Variants in SCARB1 observed in about 807,000 individuals in gnomAD.
The protein encoded by SCARB1 is CD36 and LIMPII analogous 1.
Under a neutral mutation model 57.2 loss-of-function variants are expected in SCARB1, and 30 were observed. That is an observed-to-expected ratio of 0.52 (90% CI 0.39 to 0.71). The LOEUF (loss-of-function observed/expected upper bound fraction) is 0.71, where lower values mean the gene tolerates loss of function less well. Among genes scored for constraint, SCARB1 ranks in the 30% least tolerant of loss-of-function variants. The pLI is 0.00. For synonymous variants in SCARB1, 249 were observed against 268.3 expected (o/e 0.93, Z 0.70); for missense variants, 543 against 671.2 (o/e 0.81, Z 2.11).
At chr12:124,805,307 AG>A (rs1451599651) in intron 7 of SCARB1, among the ~76,000 whole-genome samples, 1 of 152,236 alleles carries the variant, frequency 6.6e-6, no homozygotes, top group Admixed American at 6.5e-5. Context: ...CTCTCCAAGC[AG>A]GGGAAGCAAC....
chr12:124,826,398 A>G (rs1951164720), intron 1 of SCARB1, among the ~76,000 whole-genome samples: 1 of 151,858 alleles, frequency 6.6e-6, no homozygotes, highest in African/African-American at 2.4e-5. Flanking sequence ...TAACTGTAGT[A>G]ATCATTTCAC....
chr12:124,821,244 A>T, intron 1 of SCARB1: 1 of 278,566 alleles, frequency 3.6e-6, no homozygotes, highest in Non-Finnish European at 5.4e-6. Context: ...TCTCACACAC[A>T]CACACACACA....
intron 5 of SCARB1, 47 bp downstream of exon 5, chr12:124,811,823 C>A (rs199957324): frequency 7.1e-7 from 1 of 1,401,928 alleles, no homozygotes; most frequent in South Asian, 1.2e-5. Context: ...GCCGGGCCCA[C>A]CCTCCCCTCT....
intron 7 of SCARB1, among the ~76,000 whole-genome samples, chr12:124,802,864 G>A (rs1020448103): frequency 2.0e-5 from 3 of 152,164 alleles, no homozygotes; most frequent in Non-Finnish European, 4.4e-5. Context: ...GAAAGGCAAA[G>A]GCATGGTACC....
At position 124,796,942 on chromosome 12, in the gene SCARB1, A is replaced by G. The variant is rs1222613129; in HGVS notation, c.1129-1674T>C. On this transcript the variant is annotated intron_variant, in intron 8 of 12. Coordinates refer to ENST00000261693, the MANE Select transcript of SCARB1 (RefSeq NM_005505.5). This position sits in a 1 kb window ranked among gnomAD's most constrained non-coding sequence, Gnocchi z 4.0. ...GGTCCCCACCATCCCCTAACTGATGAGAGTAGTTCACTGGGCCGAAATTAT... is the reference window on the plus strand; with the variant it reads ...GGTCCCCACCATCCCCTAACTGATGGGAGTAGTTCACTGGGCCGAAATTAT... Among the ~76,000 whole-genome samples the G allele has an allele frequency of 2.6e-5, 4 of 152,178 alleles. No homozygotes were observed. The East Asian group carries it at 7.7e-4, about 29-fold the overall frequency.
At chr12:124,837,468 AAAGAAAGG>A (rs57029555) in intron 1 of SCARB1, among the ~76,000 whole-genome samples, 57,855 of 121,462 alleles carry the variant, frequency 0.48, 14,728 homozygotes, top group Non-Finnish European at 0.56. Flanking sequence ...GGAAAGAAAG[AAAGAAAGG>A]AAGGAAGGAA....
At chr12:124,827,534 T>C (rs1951210941) in intron 1 of SCARB1, among the ~76,000 whole-genome samples, 1 of 152,088 alleles carries the variant, frequency 6.6e-6, no homozygotes, top group South Asian at 2.1e-4. Flanking sequence ...TCTCCTGTCT[T>C]ATAAACTAGG....
At position 124,806,935 on chromosome 12, in the gene SCARB1, A is replaced by AC. The variant is rs1950344546; in HGVS notation, c.1009+825dup. Among the ~76,000 whole-genome samples, 3 of 151,674 alleles carry AC rather than the reference A, an allele frequency of 2.0e-5. 1 individual carries two copies. In the South Asian group the frequency reaches 6.2e-4, roughly 32 times the overall value. ...AAAAATAGGCTGGGCGCGGTGGCTCACACCTATAATCCCAGCACTTTGGGA... is the reference window on the plus strand; with the variant it reads ...AAAAATAGGCTGGGCGCGGTGGCTCACCACCTATAATCCCAGCACTTTGGGA... On this transcript the variant is annotated intron_variant, in intron 7 of 12. Transcript: ENST00000261693.
At chr12:124,801,894 T>C (rs1233746011) in intron 7 of SCARB1, among the ~76,000 whole-genome samples, 1 of 150,878 alleles carries the variant, frequency 6.6e-6, no homozygotes. Context: ...CTCACGCCTG[T>C]AATCCCAGCA....
intron 8 of SCARB1, among the ~76,000 whole-genome samples, chr12:124,797,029 GT>G (rs1949966120): frequency 6.6e-6 from 1 of 152,138 alleles, no homozygotes; most frequent in Admixed American, 6.5e-5. Flanking sequence ...TAGAATTTTG[GT>G]ACCTGCCAGG....
chr12:124,819,813 T>A (rs1032352927), intron 1 of SCARB1, among the ~76,000 whole-genome samples: 3 of 152,220 alleles, frequency 2.0e-5, no homozygotes, highest in African/African-American at 4.8e-5. Context: ...AGGAGCAGAT[T>A]TGGAGGCAGC....
At chr12:124,850,606 G>T (rs1217355594) in intron 1 of SCARB1, among the ~76,000 whole-genome samples, 1 of 151,964 alleles carries the variant, frequency 6.6e-6, no homozygotes, top group African/African-American at 2.4e-5. Flanking sequence ...GGAGGCAAAG[G>T]TTGCGGTGAG....
intron 1 of SCARB1, among the ~76,000 whole-genome samples, chr12:124,841,483 A>T (rs1951909386): frequency 2.3e-5 from 3 of 133,014 alleles, no homozygotes; most frequent in African/African-American, 1.1e-4. Context: ...CTCTGTCTCA[A>T]AAAAAAAAAA....
chr12:124,808,065 A>C (rs1594256267), intron 6 of SCARB1, 138 bp from the exon 7 acceptor site: 1 of 801,136 alleles, frequency 1.2e-6, no homozygotes, highest in Non-Finnish European at 2.1e-6. Flanking sequence ...CCCATCTCTC[A>C]CCCGCGGAGC....
intron 8 of SCARB1, among the ~76,000 whole-genome samples, chr12:124,797,112 G>C (rs995467624): frequency 6.6e-6 from 1 of 152,120 alleles, no homozygotes; most frequent in Non-Finnish European, 1.5e-5. Context: ...TTCCCTGCTA[G>C]ACAACATCTC....
At position 124,814,902 on chromosome 12, in the gene SCARB1, G is replaced by C; in HGVS notation, c.426+71C>G. On this transcript the variant is annotated intron_variant, in intron 3 of 12. Transcript: ENST00000261693. This position sits in a 1 kb window ranked among gnomAD's most constrained non-coding sequence, Gnocchi z 4.7. The stretch of plus-strand genomic sequence containing the variant: ...ACCTCAGGGACTGCTCTCTGCACAA[G>C]GGGCAGGCGGGAGGAGAGACAGGGG... 1 of 1,598,222 alleles carries C rather than the reference G, an allele frequency of 6.3e-7. No homozygotes were observed. The highest frequency in any genetic ancestry group is 8.6e-7 in the Non-Finnish European group (1 of 1,168,840).
Position 124,812,327 on chromosome 12 carries a change from G to T in SCARB1, c.631-362C>A, listed in dbSNP as rs1488455081. Among the ~76,000 whole-genome samples the T allele has an allele frequency of 6.6e-6, 1 of 152,302 alleles. No homozygotes were observed. The highest frequency in any genetic ancestry group is 2.4e-5 in the African/African-American group (1 of 41,568). On this transcript the variant is annotated intron_variant, in intron 4 of 12. Coordinates refer to ENST00000261693, the MANE Select transcript of SCARB1 (RefSeq NM_005505.5). The surrounding 1 kb of genome is among the most constrained non-coding windows in gnomAD (Gnocchi z 4.3). ...AAAAGGAGAAGTGGCATGTCACTTGGGGGGATGCTTTAAGGACTGTGCACA... is the reference window on the plus strand; with the variant it reads ...AAAAGGAGAAGTGGCATGTCACTTGTGGGGATGCTTTAAGGACTGTGCACA...
At chr12:124,795,092 G>A in intron 9 of SCARB1, 103 bp downstream of exon 9, 1 of 965,448 alleles carries the variant, frequency 1.0e-6, no homozygotes. Flanking sequence ...CCCTCCCCAT[G>A]CCCTGGTTCC....
chr12:124,803,749 G>T (rs1228733065), intron 7 of SCARB1, among the ~76,000 whole-genome samples: 1 of 150,680 alleles, frequency 6.6e-6, no homozygotes, highest in Non-Finnish European at 1.5e-5. Context: ...GCCAGGTATG[G>T]TGGTGTGTAC....
Sources: gnomAD v4.1 joint callset for allele counts (sites outside exome capture counted in the v4.1 genomes callset) on GRCh38, gnomAD v4.1.1 for gene constraint, Gnocchi (gnomAD v3.1) non-coding constraint, MANE v1.5 for transcripts, NCBI Gene and HGNC (gene_info 2026-07-23, HGNC 2026-07-21) for gene names.